C1orf87: variants seen among roughly 807,000 people sequenced by gnomAD.
The protein encoded by C1orf87 is chromosome 1 open reading frame 87.
In C1orf87, 58 loss-of-function variants were observed where a neutral mutation model predicts 60.5. The observed-to-expected ratio is 0.96, with a 90% CI of 0.78 to 1.19. The LOEUF (loss-of-function observed/expected upper bound fraction) is 1.19. Among genes scored for constraint, C1orf87 ranks in the 50% most tolerant of loss-of-function variants. C1orf87 has a pLI of 0.00. For missense variants in C1orf87, 673 were observed against 638.6 expected (o/e 1.05, Z -0.58); for synonymous variants, 236 against 227.4 (o/e 1.04, Z -0.34).
chr1:60,053,383 T>C (rs1001001624), intron 3 of C1orf87, among the ~76,000 whole-genome samples: 1 of 152,162 alleles, frequency 6.6e-6, no homozygotes, highest in Admixed American at 6.5e-5. Flanking sequence ...CCCTTAAACA[T>C]GAACTAAAGA....
chr1:60,046,619 G>A (rs1426229604), intron 3 of C1orf87, among the ~76,000 whole-genome samples: 3 of 151,354 alleles, frequency 2.0e-5, no homozygotes, highest in Non-Finnish European at 4.4e-5. Flanking sequence ...TTTGTTTTTT[G>A]TAGAGATAGG....
intron 7 of C1orf87, among the ~76,000 whole-genome samples, chr1:60,027,734 T>C (rs1025802409): frequency 5.9e-5 from 9 of 151,820 alleles, no homozygotes; most frequent in Admixed American, 5.9e-4. Context: ...AAAAAAAAGA[T>C]TGATTTGAAA....
Position 60,037,870 on chromosome 1 carries a change from A to G in C1orf87, c.863+122T>C, listed in dbSNP as rs528518993. ...ATCTTAGACTTTCAGCCTTCGCTTCAGCACTGTGATTCATACATTTATATT... is the reference window on the plus strand; with the variant it reads ...ATCTTAGACTTTCAGCCTTCGCTTCGGCACTGTGATTCATACATTTATATT... On this transcript the variant is annotated intron_variant, in intron 6 of 11. Transcript: ENST00000371201. 15 of 545,446 alleles carry G rather than the reference A, an allele frequency of 2.8e-5. No homozygotes were observed. In the South Asian group the frequency reaches 5.7e-4, roughly 21 times the overall value. The allele number at this position is 545,446 out of a possible 1,614,324, so 33.8% of individuals were successfully genotyped here.
chr1:60,008,599 G>A (rs1455457496), intron 9 of C1orf87: 1 of 408,904 alleles, frequency 2.4e-6, no homozygotes, highest in Non-Finnish European at 4.9e-6. Flanking sequence ...AGACACCAGG[G>A]ATGCACACAC....
chr1:60,016,274 G>A (rs569867870), intron 8 of C1orf87, among the ~76,000 whole-genome samples: 1 of 152,284 alleles, frequency 6.6e-6, no homozygotes, highest in South Asian at 2.1e-4. Flanking sequence ...TCATGGGGTT[G>A]CTGGGATTAT....
At chr1:59,994,223 C>T (rs541367667) in intron 11 of C1orf87, among the ~76,000 whole-genome samples, 18 of 151,692 alleles carry the variant, frequency 1.2e-4, no homozygotes, top group African/African-American at 2.2e-4. Flanking sequence ...CTGGCTTTTA[C>T]GGATCAACAA....
chr1:60,057,716 A>G (rs1425748105), intron 2 of C1orf87, among the ~76,000 whole-genome samples: 1 of 152,206 alleles, frequency 6.6e-6, no homozygotes, highest in Non-Finnish European at 1.5e-5. Flanking sequence ...ATTTTCTCTG[A>G]TAACAAGGTA....
chr1:60,051,669 A>G (rs1645415341), intron 3 of C1orf87, among the ~76,000 whole-genome samples: 1 of 152,230 alleles, frequency 6.6e-6, no homozygotes, highest in African/African-American at 2.4e-5. Flanking sequence ...TATTTATCAC[A>G]ATAGCTGACC....
chr1:60,006,237 T>C (rs954217538), intron 9 of C1orf87, among the ~76,000 whole-genome samples: 2 of 152,012 alleles, frequency 1.3e-5, no homozygotes, highest in African/African-American at 2.4e-5. Context: ...GTAAGGCATA[T>C]CAGAGAGCCA....
chr1:60,046,851 C>T (rs893174096), intron 3 of C1orf87, among the ~76,000 whole-genome samples: 2 of 152,188 alleles, frequency 1.3e-5, no homozygotes, highest in African/African-American at 2.4e-5. Flanking sequence ...ACACAGTCTG[C>T]ATTTTCTGGC....
chr1:60,060,123 T>C (rs1469418761), intron 2 of C1orf87, among the ~76,000 whole-genome samples: 2 of 150,708 alleles, frequency 1.3e-5, no homozygotes, highest in Non-Finnish European at 3.0e-5. Context: ...AACCATACCA[T>C]GTACTATTAT....
chr1:60,019,396 T>A (rs1294114683), intron 8 of C1orf87, among the ~76,000 whole-genome samples: 1 of 152,170 alleles, frequency 6.6e-6, no homozygotes, highest in Non-Finnish European at 1.5e-5. Context: ...ATTAAACCTC[T>A]TTTCTTCATA....
intron 2 of C1orf87, among the ~76,000 whole-genome samples, chr1:60,062,682 T>C (rs1047903187): frequency 6.6e-6 from 1 of 152,218 alleles, no homozygotes; most frequent in African/African-American, 2.4e-5. Flanking sequence ...TTCATCTTTT[T>C]CCCATTGATT....
At chr1:60,002,050 T>C (rs548536983) in intron 9 of C1orf87, among the ~76,000 whole-genome samples, 1 of 152,264 alleles carries the variant, frequency 6.6e-6, no homozygotes, top group South Asian at 2.1e-4. Context: ...TGCGGATGAC[T>C]GTACAGCACA....
chr1:60,014,345 G>C (rs992841140), intron 8 of C1orf87, among the ~76,000 whole-genome samples: 1 of 152,078 alleles, frequency 6.6e-6, no homozygotes, highest in Non-Finnish European at 1.5e-5. Context: ...ACAGCTTGGG[G>C]CAAGCAACTA....
intron 6 of C1orf87, among the ~76,000 whole-genome samples, chr1:60,034,226 G>A (rs1387264822): frequency 1.3e-5 from 2 of 152,174 alleles, no homozygotes; most frequent in Non-Finnish European, 1.5e-5. Flanking sequence ...GCATGCAAAT[G>A]TACATAAGTA....
In C1orf87 at chr1:60,061,260, A is replaced by T. The variant is rs145109780; in HGVS notation, c.108-5822T>A. The stretch of plus-strand genomic sequence containing the variant: ...TCTCAAAATCTTAGCTGGCGAAACT[A>T]AAGGTGGCCAAATATCATTTAATCT... On this transcript the variant is annotated intron_variant, in intron 2 of 11. Coordinates refer to ENST00000371201, the MANE Select transcript of C1orf87 (RefSeq NM_152377.3). 3.8e-3 allele frequency among the ~76,000 whole-genome samples: 585 copies of T among 152,298 alleles called. 3 individuals carry two copies. The highest frequency in any genetic ancestry group is 0.013 in the African/African-American group (554 of 41,564).
intron 1 of C1orf87, among the ~76,000 whole-genome samples, chr1:60,072,985 A>G (rs1004869803): frequency 7.2e-5 from 11 of 152,182 alleles, no homozygotes; most frequent in African/African-American, 2.2e-4. Flanking sequence ...AGGTGACTCT[A>G]CCTTCCTGTA....
At chr1:60,037,571 C>T (rs1021470196) in intron 6 of C1orf87, among the ~76,000 whole-genome samples, 3 of 152,156 alleles carry the variant, frequency 2.0e-5, no homozygotes, top group African/African-American at 7.2e-5. Flanking sequence ...AACGAACTCA[C>T]TCCTGAGATA....
Sources: allele counts gnomAD v4.1 joint callset (sites outside exome capture counted in the v4.1 genomes callset), GRCh38; gene constraint gnomAD v4.1.1; transcripts MANE v1.5; gene names NCBI Gene and HGNC (gene_info 2026-07-23, HGNC 2026-07-21).